CBFA2T2: variants seen among roughly 807,000 people sequenced by gnomAD.
The protein encoded by CBFA2T2 is protein CBFA2T2.
In CBFA2T2, 11 loss-of-function variants were observed where a neutral mutation model predicts 62.2. The observed-to-expected ratio is 0.18, with a 90% CI of 0.11 to 0.29. The LOEUF (loss-of-function observed/expected upper bound fraction) is 0.29, where lower values mean the gene tolerates loss of function less well. Ranked by LOEUF, CBFA2T2 falls within the 10% of genes least tolerant of loss-of-function variation. CBFA2T2 has a pLI of 1.00. For synonymous variants in CBFA2T2, 295 were observed against 287.5 expected (o/e 1.03, Z -0.27); for missense variants, 592 against 774.1 (o/e 0.76, Z 2.79).
At chr20:33,619,825 A>G (rs535864883) in intron 4 of CBFA2T2, among the ~76,000 whole-genome samples, 1 of 152,290 alleles carries the variant, frequency 6.6e-6, no homozygotes, top group South Asian at 2.1e-4. Flanking sequence ...CACTGCTGCT[A>G]ACACATAGAA....
chr20:33,590,646 C>T (rs931445087), intron 1 of CBFA2T2, among the ~76,000 whole-genome samples: 1 of 152,136 alleles, frequency 6.6e-6, no homozygotes, highest in African/African-American at 2.4e-5. Flanking sequence ...CTAGAAGTTC[C>T]TTCACAGAAC....
chr20:33,644,336 G>T lies in CBFA2T2; in HGVS notation c.1489-11G>T, dbSNP rs1180462716. The T allele has an allele frequency of 6.2e-7, 1 of 1,603,072 alleles. No individual in the cohort carries two copies. Among genetic ancestry groups the T allele is most frequent in the African/African-American group, 1.3e-5 (1 of 74,946 alleles). ...TCCCAGCAACCACTAACTGATGCCT[G>T]TGTCTTGCAGAACTGCTGGAACTGT... is the stretch of plus-strand genomic sequence containing the variant. On this transcript the variant is annotated splice_polypyrimidine_tract_variant and intron_variant, in intron 10 of 10. Coordinates refer to ENST00000342704, the MANE Select transcript of CBFA2T2 (RefSeq NM_001032999.3).
intron 1 of CBFA2T2, among the ~76,000 whole-genome samples, chr20:33,490,692 G>T (rs2011140306): frequency 6.6e-6 from 1 of 152,218 alleles, no homozygotes; most frequent in Non-Finnish European, 1.5e-5. Flanking sequence ...GATGAGAATG[G>T]CCCCTCGGAG....
intron 3 of CBFA2T2, among the ~76,000 whole-genome samples, chr20:33,613,722 T>A (rs1238171916): frequency 1.3e-5 from 2 of 152,184 alleles, no homozygotes; most frequent in Non-Finnish European, 2.9e-5. Flanking sequence ...GGGAGAAGTT[T>A]AGTTCTTTTT....
At chr20:33,616,299 C>G (rs1256191197) in intron 3 of CBFA2T2, among the ~76,000 whole-genome samples, 1 of 152,046 alleles carries the variant, frequency 6.6e-6, no homozygotes, top group Admixed American at 6.6e-5. Flanking sequence ...ATGGTTGTCA[C>G]TATATGTAGA....
At chr20:33,591,467 C>CAAAAAAAAAAAAAAAAAAAAA (rs11475752) in intron 1 of CBFA2T2, among the ~76,000 whole-genome samples, 4 of 98,098 alleles carry the variant, frequency 4.1e-5, no homozygotes, top group Non-Finnish European at 4.5e-5. Context: ...GAGTAAATCT[C>CAAAAAAAAAAAAAAAAAAAAA]AAAAAAAAAA....
Position 33,640,524 on chromosome 20 carries a change from C to T in CBFA2T2, c.1481C>T (p.Ser494Phe), listed in dbSNP as rs1247891253. The T allele has an allele frequency of 5.0e-6, 8 of 1,614,052 alleles. No individual in the cohort carries two copies. Among genetic ancestry groups the T allele is most frequent in the Non-Finnish European group, 6.8e-6 (8 of 1,179,984 alleles). Residue 494 changes from serine (S) to phenylalanine (F), a missense_variant, in exon 10 of 11, where the codon TCC becomes TTC. By Grantham distance (155) the Ser-to-Phe change is radical (BLOSUM62 -2). Transcript: ENST00000342704. ...CTCGTCATCAATGAGCAAGAGGAGT[C>T]CACGGAGGTCAGAGCTCTGCGCCCT... ...AFLVINEQEE[S>F]TENCWNCGRK...
In CBFA2T2 at chr20:33,649,234, G is replaced by C. The variant is rs1048109262; in HGVS notation, c.*4588G>C. ...TGAACCAAACGGAAGAATAGCCAGC[G>C]GAGCATGGACTGTTCCAGCACGGGC... is the stretch of plus-strand genomic sequence containing the variant. On this transcript the variant is annotated 3_prime_UTR_variant, in exon 11 of 11. Coordinates refer to ENST00000342704, the MANE Select transcript of CBFA2T2 (RefSeq NM_001032999.3). 6.6e-6 allele frequency: 1 copy of C among 152,286 alleles called. No individual in the cohort carries two copies. The highest frequency in any genetic ancestry group is 1.5e-5 in the Non-Finnish European group (1 of 68,032). The allele number at this position is 152,286 out of a possible 1,614,324, so 9.4% of individuals were successfully genotyped here.
chr20:33,592,382 A>ATATATATATATAATTATGAAAAAAT (rs1555840419), intron 1 of CBFA2T2, among the ~76,000 whole-genome samples: 1 of 142,620 alleles, frequency 7.0e-6, no homozygotes, highest in African/African-American at 2.6e-5. Flanking sequence ...TTTTATATAT[A>ATATATATATATAATTATGAAAAAAT]TATATATATA....
chr20:33,549,726 A>T (rs1382316661), intron 1 of CBFA2T2, among the ~76,000 whole-genome samples: 1 of 152,230 alleles, frequency 6.6e-6, no homozygotes, highest in African/African-American at 2.4e-5. Context: ...TGGTCTGTAT[A>T]TTATACCTCA....
chr20:33,619,452 A>C, intron 3 of CBFA2T2, 65 bp from the exon 4 acceptor site: 3 of 728,360 alleles, frequency 4.1e-6, no homozygotes, highest in South Asian at 4.7e-5. Flanking sequence ...AAAAAAGAAG[A>C]GTTTGGCACT....
chr20:33,596,107 T>C (rs1396423110), intron 1 of CBFA2T2, among the ~76,000 whole-genome samples: 1 of 152,258 alleles, frequency 6.6e-6, no homozygotes, highest in Non-Finnish European at 1.5e-5. Context: ...ATCTCATCTT[T>C]TGCTGCATAC....
At position 33,589,170 on chromosome 20, in the gene CBFA2T2, C is replaced by T. The variant is rs376109429; in HGVS notation, c.35-17786C>T. ...AAAAGTGGTGAAGAACAGCAGAGGACAGTTGGAGCTGTGGGAGATGCACAA... is the reference window on the plus strand; with the variant it reads ...AAAAGTGGTGAAGAACAGCAGAGGATAGTTGGAGCTGTGGGAGATGCACAA... On this transcript the variant is annotated intron_variant, in intron 1 of 10. Transcript: ENST00000342704. Among the ~76,000 whole-genome samples, 6 of 152,264 alleles carry T rather than the reference C, an allele frequency of 3.9e-5. No individual in the cohort carries two copies. The South Asian group carries it at 8.3e-4, about 21-fold the overall frequency.
At chr20:33,501,093 A>G (rs1382481664) in intron 1 of CBFA2T2, among the ~76,000 whole-genome samples, 1 of 152,248 alleles carries the variant, frequency 6.6e-6, no homozygotes, top group Non-Finnish European at 1.5e-5. Flanking sequence ...AAATGCAGAA[A>G]TCAAAGTATA....
intron 1 of CBFA2T2, among the ~76,000 whole-genome samples, chr20:33,561,773 G>A (rs2013099852): frequency 6.6e-6 from 1 of 152,034 alleles, no homozygotes; most frequent in Admixed American, 6.5e-5. Context: ...ATTTTGCATT[G>A]TGTCCCCATC....
At chr20:33,633,777 T>C (rs1397556892) in intron 8 of CBFA2T2, among the ~76,000 whole-genome samples, 1 of 152,224 alleles carries the variant, frequency 6.6e-6, no homozygotes, top group Non-Finnish European at 1.5e-5. Context: ...TCAGTCTGGC[T>C]AGCATTATTT....
chr20:33,601,251 A>G (rs961656092), intron 1 of CBFA2T2, among the ~76,000 whole-genome samples: 1 of 149,482 alleles, frequency 6.7e-6, no homozygotes, highest in Admixed American at 6.7e-5. Context: ...TGGGTTTTTT[A>G]TTGTTGTTGT....
chr20:33,547,687 A>G (rs995242811), intron 1 of CBFA2T2, among the ~76,000 whole-genome samples: 14 of 139,180 alleles, frequency 1.0e-4, no homozygotes, highest in South Asian at 7.3e-4. Context: ...TCTCAAAAAA[A>G]TGTGTGTGTG....
chr20:33,628,290 G>A, intron 6 of CBFA2T2, 60 bp from the exon 7 acceptor site: 1 of 1,097,846 alleles, frequency 9.1e-7, no homozygotes. Flanking sequence ...TTACTTGGTA[G>A]AATTTGCTTC....
Sources: gnomAD v4.1 joint callset for allele counts (sites outside exome capture counted in the v4.1 genomes callset) on GRCh38, gnomAD v4.1.1 for gene constraint, MANE v1.5 for transcripts, NCBI Gene and HGNC (gene_info 2026-07-23, HGNC 2026-07-21) for gene names.